The following ONECUT2 variants were observed in gnomAD, a reference collection of about 807,000 sequenced individuals.
ONECUT2 encodes one cut domain family member 2.
In ONECUT2, 10 loss-of-function variants were observed where a neutral mutation model predicts 27.9. That is an observed-to-expected ratio of 0.36 (90% CI 0.22 to 0.61). The LOEUF is 0.61. Among genes scored for constraint, ONECUT2 ranks in the 20% least tolerant of loss-of-function variants. ONECUT2 has a pLI of 0.73. For missense variants in ONECUT2, 686 were observed against 721.0 expected, an observed-to-expected ratio of 0.95 and a Z score of 0.56; for synonymous variants, 334 against 315.1, an observed-to-expected ratio of 1.06 and a Z score of -0.64.
Position 57,444,348 on chromosome 18 carries a change from C to A in ONECUT2, c.1228+7404C>A, listed in dbSNP as rs1262695388. 3 of 456,606 alleles carry A rather than the reference C, an allele frequency of 6.6e-6. No individual in the cohort carries two copies. In the East Asian group the frequency reaches 2.1e-4, roughly 32 times the overall value. 28.3% of individuals were successfully genotyped at this position (456,606 alleles called of 1,614,324 possible). A position where few individuals can be genotyped will look rare whatever the true frequency, so the allele number is the denominator to read the frequency against. Reference sequence around the variant, plus strand: ...TGTTGCATTGACATCCTTGAAGGAACCTGTTTGACGGCTCATTTTTCTGCC... The same window carrying A: ...TGTTGCATTGACATCCTTGAAGGAAACTGTTTGACGGCTCATTTTTCTGCC... On this transcript the variant is annotated intron_variant, in intron 1 of 1. Coordinates refer to ENST00000491143, the MANE Select transcript of ONECUT2 (RefSeq NM_004852.3).
At position 57,435,567 on chromosome 18, in the gene ONECUT2, C is replaced by A; in HGVS notation, c.-150C>A. On this transcript the variant is annotated 5_prime_UTR_variant, in exon 1 of 2. Coordinates refer to ENST00000491143, the MANE Select transcript of ONECUT2 (RefSeq NM_004852.3). ...CGCCCCCACCCCGGGCGAGCCCGCC[C>A]GCAGCCCGGGGCGCACACCCGCACG... is the stretch of plus-strand genomic sequence containing the variant. 2.6e-6 allele frequency: 1 copy of A among 390,424 alleles called. No homozygotes were observed. The allele number at this position is 390,424 out of a possible 1,614,324, so 24.2% of individuals were successfully genotyped here.
At chr18:57,460,814 T>C (rs1278209076) in intron 1 of ONECUT2, among the ~76,000 whole-genome samples, 1 of 150,626 alleles carries the variant, frequency 6.6e-6, no homozygotes, top group Admixed American at 6.7e-5. Flanking sequence ...CTCAGCCTCC[T>C]GAATAACTGG....
chr18:57,469,324 T>C (rs1335930246), intron 1 of ONECUT2, among the ~76,000 whole-genome samples: 2 of 152,162 alleles, frequency 1.3e-5, no homozygotes, highest in African/African-American at 2.4e-5. Flanking sequence ...TGCTGACAAA[T>C]GCACACCCTG....
chr18:57,489,951 G>C lies in ONECUT2; in HGVS notation c.*13228G>C, dbSNP rs1015984238. ...GGTTTCTCTTTTAATTCGTATCTTCGATCACCTAACCTTTCTCAATCCAAG... is the reference window on the plus strand; with the variant it reads ...GGTTTCTCTTTTAATTCGTATCTTCCATCACCTAACCTTTCTCAATCCAAG... On this transcript the variant is annotated 3_prime_UTR_variant, in exon 2 of 2. Coordinates refer to ENST00000491143, the MANE Select transcript of ONECUT2 (RefSeq NM_004852.3). 6.6e-6 allele frequency: 1 copy of C among 152,096 alleles called. No individual in the cohort carries two copies. The highest frequency in any genetic ancestry group is 2.1e-4 in the South Asian group (1 of 4,822). 9.4% of individuals were successfully genotyped at this position (152,096 alleles called of 1,614,324 possible). A position where few individuals can be genotyped will look rare whatever the true frequency, so the allele number is the denominator to read the frequency against.
intron 1 of ONECUT2, among the ~76,000 whole-genome samples, chr18:57,438,831 A>C (rs1417187963): frequency 6.6e-6 from 1 of 152,218 alleles, no homozygotes; most frequent in Non-Finnish European, 1.5e-5. Context: ...AAGATAAAGC[A>C]GCCAGTAGAG....
intron 1 of ONECUT2, among the ~76,000 whole-genome samples, chr18:57,466,581 G>A (rs1458318321): frequency 1.3e-5 from 2 of 152,224 alleles, no homozygotes; most frequent in Non-Finnish European, 2.9e-5. Context: ...CCAGGCTTCT[G>A]CATAGGCAGA....
At chr18:57,450,143 C>G (rs1041760403) in intron 1 of ONECUT2, among the ~76,000 whole-genome samples, 6 of 152,134 alleles carry the variant, frequency 3.9e-5, no homozygotes, top group Non-Finnish European at 7.4e-5. Context: ...TCATTCTTTT[C>G]TAGCTTCTTC....
chr18:57,459,712 C>T (rs1476883104), intron 1 of ONECUT2, among the ~76,000 whole-genome samples: 4 of 152,118 alleles, frequency 2.6e-5, no homozygotes, highest in African/African-American at 7.2e-5. Context: ...GTGCTCTCCA[C>T]CATGCCTGCC....
At chr18:57,439,128 T>C (rs924321647) in intron 1 of ONECUT2, among the ~76,000 whole-genome samples, 18 of 152,236 alleles carry the variant, frequency 1.2e-4, no homozygotes, top group African/African-American at 4.1e-4. Context: ...CATATAGGTC[T>C]GAAAGTGATG....
intron 1 of ONECUT2, among the ~76,000 whole-genome samples, chr18:57,465,158 G>A (rs1270454222): frequency 6.6e-6 from 1 of 151,480 alleles, no homozygotes; most frequent in African/African-American, 2.4e-5. Context: ...TTTTGCGGGG[G>A]GCGGGGGTTG....
At position 57,476,569 on chromosome 18, in the gene ONECUT2, A is replaced by T. The variant is rs1486060446; in HGVS notation, c.1361A>T (p.Glu454Val). The T allele has an allele frequency of 6.2e-7, 1 of 1,614,100 alleles. No homozygotes were observed. The highest frequency in any genetic ancestry group is 8.5e-7 in the Non-Finnish European group (1 of 1,180,038). ...IFKENKRPSK[E>V]MQITISQQLG... ...AAGGAGAACAAACGCCCGTCAAAGG[A>T]GATGCAGATCACCATTTCCCAGCAG... The change falls in exon 2 of 2, where the codon GAG becomes GTG. Residue 454 changes from glutamate (E) to valine (V), a missense_variant. Physicochemically the swap from Glu to Val is moderately radical, Grantham distance 121 (BLOSUM62 -2). Transcript: ENST00000491143.
intron 1 of ONECUT2, among the ~76,000 whole-genome samples, chr18:57,475,258 A>C (rs2050375909): frequency 6.6e-6 from 1 of 151,826 alleles, no homozygotes; most frequent in Non-Finnish European, 1.5e-5. Flanking sequence ...GGGTTTCACC[A>C]TGTTGGCCAG....
chr18:57,445,707 A>G (rs1215756756), intron 1 of ONECUT2, among the ~76,000 whole-genome samples: 2 of 152,224 alleles, frequency 1.3e-5, no homozygotes, highest in African/African-American at 4.8e-5. Context: ...GGCTGTGTTG[A>G]ACAAGGGATC....
chr18:57,471,251 G>A (rs763303265), intron 1 of ONECUT2, among the ~76,000 whole-genome samples: 3 of 152,170 alleles, frequency 2.0e-5, no homozygotes, highest in Non-Finnish European at 2.9e-5. Context: ...GGCCAGGGCC[G>A]GTTAGTCTGG....
rs756835787 is a variant in ONECUT2, at chr18:57,436,472, G to A, written c.756G>A (p.Pro252=). ...AQQSLPNYGP[P]GHDKMLSPNF... The stretch of plus-strand genomic sequence containing the variant: ...AGAGTCTGCCCAACTACGGTCCGCC[G>A]GGCCACGACAAAATGCTCAGCCCCA... Residue 252 remains proline (P), a synonymous_variant, in exon 1 of 2, where the codon CCG becomes CCA. Transcript: ENST00000491143. The surrounding 1 kb of genome is among the most constrained non-coding windows in gnomAD (Gnocchi z 5.9). 4.3e-6 allele frequency: 7 copies of A among 1,613,130 alleles called. No individual in the cohort carries two copies. The highest frequency in any genetic ancestry group is 3.3e-5 in the Admixed American group (2 of 60,008).
At chr18:57,474,406 C>T (rs565386061) in intron 1 of ONECUT2, among the ~76,000 whole-genome samples, 23 of 152,230 alleles carry the variant, frequency 1.5e-4, no homozygotes, top group African/African-American at 5.1e-4. Context: ...AACAAAATAC[C>T]GTGACTTAGT....
chr18:57,489,047 A>C lies in ONECUT2; in HGVS notation c.*12324A>C, dbSNP rs963632747. 1 of 152,280 alleles carries C rather than the reference A, an allele frequency of 6.6e-6. No individual in the cohort carries two copies. Among genetic ancestry groups the C allele is most frequent in the Non-Finnish European group, 1.5e-5 (1 of 68,116 alleles). 9.4% of individuals were successfully genotyped at this position (152,280 alleles called of 1,614,324 possible). A position where few individuals can be genotyped will look rare whatever the true frequency, so the allele number is the denominator to read the frequency against. On this transcript the variant is annotated 3_prime_UTR_variant, in exon 2 of 2. Transcript: ENST00000491143. ...GGCCACCAGGCACTCACCTTTCCCC[A>C]CCTTGCACACTATCCAGTCAAGGCT...
At chr18:57,441,751 C>T (rs1481184925) in intron 1 of ONECUT2, among the ~76,000 whole-genome samples, 2 of 152,276 alleles carry the variant, frequency 1.3e-5, no homozygotes, top group African/African-American at 4.8e-5. Flanking sequence ...CCCTCCTATC[C>T]TCATCGGTTC....
At chr18:57,473,021 G>A (rs2050362403) in intron 1 of ONECUT2, among the ~76,000 whole-genome samples, 1 of 152,186 alleles carries the variant, frequency 6.6e-6, no homozygotes, top group Admixed American at 6.5e-5. Flanking sequence ...GTAGGGTCAG[G>A]GACGGTTGTC....
Sources: allele counts gnomAD v4.1 joint callset (sites outside exome capture counted in the v4.1 genomes callset), GRCh38; gene constraint gnomAD v4.1.1; non-coding constraint Gnocchi (gnomAD v3.1); transcripts MANE v1.5; gene names NCBI Gene and HGNC (gene_info 2026-07-23, HGNC 2026-07-21).